Variants in ADAMTS19 observed in about 807,000 individuals in gnomAD.
ADAMTS19 encodes A disintegrin and metalloproteinase with thrombospondin motifs 19.
ADAMTS19 carries 93 observed loss-of-function variants against 153.3 expected under a neutral mutation model. That is an observed-to-expected ratio of 0.61 (90% CI 0.51 to 0.72). The LOEUF (loss-of-function observed/expected upper bound fraction) is 0.72. Ranked by LOEUF, ADAMTS19 falls within the 30% of genes least tolerant of loss-of-function variation. The pLI is 0.00. For missense variants in ADAMTS19, 1,482 were observed against 1,552.1 expected (o/e 0.95, Z 0.76); for synonymous variants, 600 against 556.6 (o/e 1.08, Z -1.10).
chr5:129,558,663 G>C (rs1269303920), intron 7 of ADAMTS19, among the ~76,000 whole-genome samples: 2 of 152,114 alleles, frequency 1.3e-5, no homozygotes, highest in Non-Finnish European at 2.9e-5. Flanking sequence ...GATGTATAGA[G>C]GAACATAGGT....
intron 8 of ADAMTS19, among the ~76,000 whole-genome samples, chr5:129,618,433 T>C (rs1751627049): frequency 6.6e-6 from 1 of 151,976 alleles, no homozygotes; most frequent in Non-Finnish European, 1.5e-5. Flanking sequence ...TATAGTTAAA[T>C]TTAGCATGGT....
intron 7 of ADAMTS19, among the ~76,000 whole-genome samples, chr5:129,561,821 T>TATCTATCC (rs1753533450): frequency 8.2e-6 from 1 of 122,566 alleles, no homozygotes; most frequent in South Asian, 2.6e-4. Context: ...TTCACCCTAC[T>TATCTATCC]ATCTATCTAT....
intron 2 of ADAMTS19, among the ~76,000 whole-genome samples, chr5:129,468,005 C>CT (rs1316174149): frequency 6.6e-6 from 1 of 152,194 alleles, no homozygotes; most frequent in African/African-American, 2.4e-5. Context: ...AGAGATTCCC[C>CT]TTTTTTTACG....
intron 18 of ADAMTS19, among the ~76,000 whole-genome samples, chr5:129,687,881 T>C (rs1364505271): frequency 6.6e-6 from 1 of 152,204 alleles, no homozygotes; most frequent in African/African-American, 2.4e-5. Flanking sequence ...AATTTAGATA[T>C]GCTTTTATTT....
chr5:129,474,972 T>C (rs1375884569), intron 2 of ADAMTS19, among the ~76,000 whole-genome samples: 1 of 152,202 alleles, frequency 6.6e-6, no homozygotes, highest in African/African-American at 2.4e-5. Flanking sequence ...GTTCTTTATA[T>C]ACTCTGGATA....
rs565118156 is a variant in ADAMTS19 at position 129,619,355 on chromosome 5, T to A, written c.1479-1263T>A. On this transcript the variant is annotated intron_variant, in intron 8 of 22. Coordinates refer to ENST00000274487, the MANE Select transcript of ADAMTS19 (RefSeq NM_133638.6). ...GCATATTATAATCATTTCTACCACA[T>A]TTGGTTGTTTAACTCAAGTTTATAA... 1.1e-3 allele frequency among the ~76,000 whole-genome samples: 169 copies of A among 152,208 alleles called. 1 individual carries two copies. The highest frequency in any genetic ancestry group is 3.7e-3 in the African/African-American group (153 of 41,566).
chr5:129,586,315 G>T (rs560898709), intron 7 of ADAMTS19, among the ~76,000 whole-genome samples: 70 of 152,246 alleles, frequency 4.6e-4, no homozygotes, highest in African/African-American at 1.7e-3. Flanking sequence ...AATCTTCTGT[G>T]TTCCACCTAT....
At chr5:129,618,564 C>G (rs1318875917) in intron 8 of ADAMTS19, among the ~76,000 whole-genome samples, 3 of 151,888 alleles carry the variant, frequency 2.0e-5, no homozygotes, top group African/African-American at 7.2e-5. Flanking sequence ...CATAATTCAT[C>G]TTAAAAATAT....
chr5:129,586,420 A>T (rs913149259), intron 7 of ADAMTS19, among the ~76,000 whole-genome samples: 10 of 152,190 alleles, frequency 6.6e-5, no homozygotes, highest in Admixed American at 6.5e-4. Flanking sequence ...AGTTGAAATC[A>T]TGCAATAGGT....
rs1013280300 is a variant in ADAMTS19, at chr5:129,613,079, A to T, written c.1479-7539A>T. Among the ~76,000 whole-genome samples, 6 of 152,108 alleles carry T rather than the reference A, an allele frequency of 3.9e-5. 1 individual carries two copies. ...ACAAAGAGACTTAGACTCCCACACA[A>T]TAATAATGGGAGACTTTAACACCCC... On this transcript the variant is annotated intron_variant, in intron 8 of 22. Transcript: ENST00000274487.
At chr5:129,637,829 C>G (rs1752601347) in intron 10 of ADAMTS19, among the ~76,000 whole-genome samples, 1 of 152,054 alleles carries the variant, frequency 6.6e-6, no homozygotes. Flanking sequence ...GCCTGGGTGA[C>G]AAGAGCGAGA....
At chr5:129,567,696 C>A (rs943463043) in intron 7 of ADAMTS19, among the ~76,000 whole-genome samples, 1 of 151,786 alleles carries the variant, frequency 6.6e-6, no homozygotes, top group Non-Finnish European at 1.5e-5. Context: ...ACCAACAGAG[C>A]CTCAGAAACT....
At chr5:129,643,055 A>G (rs1752871313) in intron 11 of ADAMTS19, among the ~76,000 whole-genome samples, 1 of 152,198 alleles carries the variant, frequency 6.6e-6, no homozygotes, top group African/African-American at 2.4e-5. Flanking sequence ...GAAGAGATCT[A>G]TAAGACATGG....
chr5:129,645,666 C>T (rs30681), intron 11 of ADAMTS19, among the ~76,000 whole-genome samples: 24,845 of 151,802 alleles, frequency 0.16, 2,282 homozygotes, highest in East Asian at 0.31. Context: ...AACTCTAGCC[C>T]AGTCTTTCAA....
chr5:129,700,653 A>G (rs1261258979), intron 19 of ADAMTS19, among the ~76,000 whole-genome samples: 1 of 152,194 alleles, frequency 6.6e-6, no homozygotes, highest in Non-Finnish European at 1.5e-5. Context: ...GTGATACCCA[A>G]TACATAGGGC....
At chr5:129,652,012 A>G (rs552413733) in intron 13 of ADAMTS19, among the ~76,000 whole-genome samples, 1 of 152,290 alleles carries the variant, frequency 6.6e-6, no homozygotes, top group South Asian at 2.1e-4. Flanking sequence ...GAGATAGAAA[A>G]TAGGTGTTCT....
chr5:129,633,253 T>A (rs1019328787), intron 10 of ADAMTS19, among the ~76,000 whole-genome samples: 13 of 152,156 alleles, frequency 8.5e-5, no homozygotes, highest in Non-Finnish European at 1.5e-5. Context: ...TCTTGAGATA[T>A]CTTTTCATTT....
chr5:129,622,198 G>A lies in ADAMTS19; in HGVS notation c.1620G>A (p.Arg540=). 13 of 1,614,012 alleles carry A rather than the reference G, an allele frequency of 8.1e-6. No individual in the cohort carries two copies. The highest frequency in any genetic ancestry group is 1.1e-5 in the Non-Finnish European group (13 of 1,179,946). ...CSKEDLERFL[R]SKASNCLLQT... ...TTTACACATACCTGCCTATTGCCAG[G>A]TCAAAGGCCAGTAACTGCTTGCTAC... The change falls in exon 10 of 23, where the codon AGG becomes AGA. Residue 540 remains arginine, a splice_region_variant and synonymous_variant. Coordinates refer to ENST00000274487, the MANE Select transcript of ADAMTS19 (RefSeq NM_133638.6).
chr5:129,682,618 G>A (rs1754873446), intron 17 of ADAMTS19, among the ~76,000 whole-genome samples: 1 of 151,982 alleles, frequency 6.6e-6, no homozygotes, highest in Admixed American at 6.6e-5. Context: ...TCTGGGTATA[G>A]TCGTAAGGTA....
Sources: gnomAD v4.1 joint callset for allele counts (sites outside exome capture counted in the v4.1 genomes callset) on GRCh38, gnomAD v4.1.1 for gene constraint, MANE v1.5 for transcripts, NCBI Gene and HGNC (gene_info 2026-07-23, HGNC 2026-07-21) for gene names.